FHIP1A: variants seen among roughly 807,000 people sequenced by gnomAD.
FHIP1A encodes the protein FHF complex subunit HOOK interacting protein 1A, also known as FHF complex subunit HOOK-interacting protein 1A.
A neutral mutation model predicts 88.6 loss-of-function variants in FHIP1A; 61 were observed. The observed-to-expected ratio is 0.69, with a 90% CI of 0.56 to 0.85. The LOEUF (loss-of-function observed/expected upper bound fraction) is 0.85. FHIP1A is among the 40% of genes least tolerant of loss of function. The pLI is 0.00. For synonymous variants in FHIP1A, 478 were observed against 496.0 expected (o/e 0.96, Z 0.48); for missense variants, 1,154 against 1,273.5 (o/e 0.91, Z 1.43).
rs1737756042 is a variant in FHIP1A, at chr4:151,668,793, C to G, written c.*6039C>G. ...GCACATTCCTGCCTTCCCACCAGAA[C>G]CCTCCAACCTCCTCCCCAGGCAACA... On this transcript the variant is annotated 3_prime_UTR_variant, in exon 14 of 14. Transcript: ENST00000435205. Among the ~76,000 whole-genome samples, 1 of 151,520 alleles carries G rather than the reference C, an allele frequency of 6.6e-6. No individual in the cohort carries two copies. Among genetic ancestry groups the G allele is most frequent in the Non-Finnish European group, 1.5e-5 (1 of 67,874 alleles).
chr4:151,466,622 C>T (rs967554635), intron 2 of FHIP1A, among the ~76,000 whole-genome samples: 10 of 152,036 alleles, frequency 6.6e-5, no homozygotes, highest in African/African-American at 2.4e-4. Context: ...TGTACTGGTA[C>T]CAAAACAGAC....
rs59744221 is a variant in FHIP1A, at chr4:151,665,994, G to A, written c.*3240G>A. Among the ~76,000 whole-genome samples, 16,857 of 152,276 alleles carry A rather than the reference G, an allele frequency of 0.11. 987 individuals are homozygous for A. The highest frequency in any genetic ancestry group is 0.13 in the African/African-American group (5,259 of 41,540). On this transcript the variant is annotated 3_prime_UTR_variant, in exon 14 of 14. Coordinates refer to ENST00000435205, the MANE Select transcript of FHIP1A (RefSeq NM_001109977.3). ...TGCGTCTGGCCTGGGCAGGAAAGGT[G>A]AGGGAGCCAAGGGTTCCTGGAGTAT...
At chr4:151,502,202 A>C (rs1730679215) in intron 3 of FHIP1A, among the ~76,000 whole-genome samples, 1 of 151,644 alleles carries the variant, frequency 6.6e-6, no homozygotes, top group Non-Finnish European at 1.5e-5. Flanking sequence ...AGGTAGTCTC[A>C]ACTGCTAGTG....
At chr4:151,473,428 TA>T (rs112708420) in intron 2 of FHIP1A, among the ~76,000 whole-genome samples, 3,871 of 152,248 alleles carry the variant, frequency 0.025, 174 homozygotes, top group African/African-American at 0.088. Context: ...TTCTTAACTT[TA>T]TAAAGTATAG....
At chr4:151,580,705 T>C (rs536781668) in intron 5 of FHIP1A, among the ~76,000 whole-genome samples, 1 of 152,194 alleles carries the variant, frequency 6.6e-6, no homozygotes, top group African/African-American at 2.4e-5. Context: ...AACAGAAAAA[T>C]ATAAGTACGT....
chr4:151,530,158 G>A (rs1453843775), intron 3 of FHIP1A, among the ~76,000 whole-genome samples: 1 of 152,168 alleles, frequency 6.6e-6, no homozygotes, highest in Non-Finnish European at 1.5e-5. Context: ...TGGAGTGGGG[G>A]TGGTTCTTCA....
At chr4:151,566,446 T>C in intron 4 of FHIP1A, 82 bp downstream of exon 4, 1 of 736,106 alleles carries the variant, frequency 1.4e-6, no homozygotes, top group Non-Finnish European at 2.3e-6. Flanking sequence ...TTTCTACCTC[T>C]GTGATAGGTA....
Position 151,577,756 on chromosome 4 carries a change from C to G in FHIP1A, c.412C>G (p.Pro138Ala). The part of the protein sequence containing the change: ...QSHQPLLHHK[P>A]ILKPLMMLLS... ...GCACCAGCCTCTGCTGCACCACAAA[C>G]CCATTCTGAAGCCTCTGATGATGTT... The change falls in exon 5 of 14, where the codon CCC (proline) becomes GCC (alanine). Residue 138 changes from proline (P) to alanine (A), a missense_variant. Transcript: ENST00000435205. The G allele has an allele frequency of 6.4e-7, 1 of 1,551,940 alleles. No homozygotes were observed. Among genetic ancestry groups the G allele is most frequent in the Non-Finnish European group, 8.7e-7 (1 of 1,147,042 alleles).
chr4:151,409,380 C>CCG lies in FHIP1A; in HGVS notation c.-439_-438dup, dbSNP rs1732507492. 1 of 152,360 alleles carries CCG rather than the reference C, an allele frequency of 6.6e-6. No homozygotes were observed. Among genetic ancestry groups the CCG allele is most frequent in the African/African-American group, 2.4e-5 (1 of 41,452 alleles). The allele number at this position is 152,360 out of a possible 1,614,324, so 9.4% of individuals were successfully genotyped here. ...GGGTCCCGCGCAGGCGTCCCCGGGA[C>CCG]CGCAGAGCAAACTTTCTGGACTATC... On this transcript the variant is annotated 5_prime_UTR_variant, in exon 1 of 14. Coordinates refer to ENST00000435205, the MANE Select transcript of FHIP1A (RefSeq NM_001109977.3).
chr4:151,515,721 AC>A (rs1185573163), intron 3 of FHIP1A, among the ~76,000 whole-genome samples: 5 of 151,930 alleles, frequency 3.3e-5, no homozygotes, highest in African/African-American at 1.2e-4. Context: ...AGAATAAAAT[AC>A]CTAGGAATCC....
At chr4:151,539,586 A>G (rs1456643575) in intron 3 of FHIP1A, among the ~76,000 whole-genome samples, 1 of 143,744 alleles carries the variant, frequency 7.0e-6, no homozygotes, top group Non-Finnish European at 1.5e-5. Flanking sequence ...AAAAAAAAAA[A>G]TACAGTGGAC....
chr4:151,560,682 G>A (rs1733139910), intron 3 of FHIP1A, among the ~76,000 whole-genome samples: 1 of 152,116 alleles, frequency 6.6e-6, no homozygotes, highest in South Asian at 2.1e-4. Flanking sequence ...GTGATCAGTT[G>A]GGTTGGTGGG....
At chr4:151,440,308 A>C (rs530189943) in intron 1 of FHIP1A, among the ~76,000 whole-genome samples, 1 of 152,280 alleles carries the variant, frequency 6.6e-6, no homozygotes, top group East Asian at 1.9e-4. Context: ...ACACAGCCAA[A>C]CCATGTCAGT....
At chr4:151,496,153 GT>G (rs1265695107) in intron 3 of FHIP1A, among the ~76,000 whole-genome samples, 2 of 151,384 alleles carry the variant, frequency 1.3e-5, no homozygotes, top group Non-Finnish European at 2.9e-5. Flanking sequence ...TCCTGCATTT[GT>G]TTAGAGATAT....
chr4:151,497,697 A>G (rs1181096878), intron 3 of FHIP1A, among the ~76,000 whole-genome samples: 2 of 152,208 alleles, frequency 1.3e-5, no homozygotes, highest in African/African-American at 2.4e-5. Context: ...GCTGCTGACC[A>G]TGCACAGAAA....
intron 1 of FHIP1A, among the ~76,000 whole-genome samples, chr4:151,416,114 T>G (rs1732882220): frequency 1.3e-5 from 2 of 152,204 alleles, no homozygotes; most frequent in Non-Finnish European, 2.9e-5. Flanking sequence ...TTTAGGATCT[T>G]TTGGCTTGTA....
At chr4:151,517,823 A>T (rs1013324590) in intron 3 of FHIP1A, among the ~76,000 whole-genome samples, 4 of 152,154 alleles carry the variant, frequency 2.6e-5, no homozygotes, top group African/African-American at 4.8e-5. Context: ...TTAAAAATCC[A>T]AAAAAGCTTA....
intron 1 of FHIP1A, among the ~76,000 whole-genome samples, chr4:151,449,910 T>C (rs568271340): frequency 1.3e-5 from 2 of 152,206 alleles, no homozygotes; most frequent in Non-Finnish European, 2.9e-5. Context: ...TCTGTGATGA[T>C]TTTTTAAATA....
At position 151,656,477 on chromosome 4, in the gene FHIP1A, T is replaced by C; in HGVS notation, c.2730+67T>C. 1 of 1,458,550 alleles carries C rather than the reference T, an allele frequency of 6.9e-7. No homozygotes were observed. The highest frequency in any genetic ancestry group is 9.3e-7 in the Non-Finnish European group (1 of 1,076,660). The allele number at this position is 1,458,550 out of a possible 1,614,324, so 90.4% of individuals were successfully genotyped here. A position where few individuals can be genotyped will look rare whatever the true frequency, so the allele number is the denominator to read the frequency against. ...GGTGCTAATTTGCAGGGCATCTATT[T>C]CTCTTTATTTTGTTTTTCAAAAATT... On this transcript the variant is annotated intron_variant, in intron 12 of 13. Transcript: ENST00000435205. The surrounding 1 kb of genome is among the most constrained non-coding windows in gnomAD (Gnocchi z 4.2).
Sources: gnomAD v4.1 joint callset for allele counts (sites outside exome capture counted in the v4.1 genomes callset) on GRCh38, gnomAD v4.1.1 for gene constraint, Gnocchi (gnomAD v3.1) non-coding constraint, MANE v1.5 for transcripts, NCBI Gene and HGNC (gene_info 2026-07-23, HGNC 2026-07-21) for gene names.